Variants in CREB3L2 observed in about 807,000 individuals in gnomAD.
CREB3L2 encodes the protein cAMP responsive element binding protein 3 like 2.
In CREB3L2, 23 loss-of-function variants were observed where a neutral mutation model predicts 57.2. That is an observed-to-expected ratio of 0.40 (90% CI 0.29 to 0.57). The LOEUF is 0.57. CREB3L2 is among the 20% of genes least tolerant of loss of function. The pLI is 0.42. For synonymous variants in CREB3L2, 268 were observed against 265.1 expected, an observed-to-expected ratio of 1.01 and a Z score of -0.11; for missense variants, 628 against 634.7, an observed-to-expected ratio of 0.99 and a Z score of 0.11.
intron 1 of CREB3L2, among the ~76,000 whole-genome samples, chr7:137,990,133 C>T (rs369700286): frequency 6.6e-6 from 1 of 152,218 alleles, no homozygotes; most frequent in South Asian, 2.1e-4. Context: ...GCACACAAAC[C>T]TCTCATGATC....
intron 6 of CREB3L2, among the ~76,000 whole-genome samples, chr7:137,904,878 ATGGACAC>A (rs1799851818): frequency 6.6e-6 from 1 of 151,884 alleles, no homozygotes; most frequent in East Asian, 1.9e-4. Flanking sequence ...AAAGAAAACA[ATGGACAC>A]TGAGTGAAGA....
chr7:137,949,756 G>A (rs1801062905), intron 1 of CREB3L2, among the ~76,000 whole-genome samples: 1 of 152,184 alleles, frequency 6.6e-6, no homozygotes, highest in East Asian at 1.9e-4. Context: ...TGTTTTGGAA[G>A]AATAAAATTA....
At chr7:137,996,219 T>C (rs536521396) in intron 1 of CREB3L2, among the ~76,000 whole-genome samples, 1 of 152,346 alleles carries the variant, frequency 6.6e-6, no homozygotes, top group South Asian at 2.1e-4. Flanking sequence ...ATGTTAAATC[T>C]TACTAACACT....
At position 137,930,442 on chromosome 7, in the gene CREB3L2, TG is replaced by T. The variant is rs1375732542; in HGVS notation, c.103-2077del. Among the ~76,000 whole-genome samples the T allele has an allele frequency of 5.3e-5, 8 of 152,290 alleles. No individual in the cohort carries two copies. In the South Asian group the frequency reaches 8.3e-4, roughly 16 times the overall value. ...GGACACCTAAGTCCCACCACCAAAC[TG>T]AAGTGTCAATGAAGGCGTTATGAAA... On this transcript the variant is annotated intron_variant, in intron 1 of 11. Coordinates refer to ENST00000330387, the MANE Select transcript of CREB3L2 (RefSeq NM_194071.4).
chr7:137,995,304 A>G (rs560869279), intron 1 of CREB3L2, among the ~76,000 whole-genome samples: 4 of 137,692 alleles, frequency 2.9e-5, no homozygotes, highest in African/African-American at 5.4e-5. Context: ...GCCAACAAGG[A>G]GCTCTATTTC....
At chr7:137,975,494 C>A (rs947646677) in intron 1 of CREB3L2, among the ~76,000 whole-genome samples, 1 of 152,132 alleles carries the variant, frequency 6.6e-6, no homozygotes, top group African/African-American at 2.4e-5. Context: ...TCCTTTGTTC[C>A]CCAGCCTCAC....
In CREB3L2 at chr7:137,899,125, G is replaced by GA. The variant is rs1195320197; in HGVS notation, c.1043+2228dup. ...GGAAGGAAGGAAGGAAGGAAGGAAG[G>GA]AAGGAAGGAAGGAAGGAAGGAAGGA... On this transcript the variant is annotated intron_variant, in intron 8 of 11. Coordinates refer to ENST00000330387, the MANE Select transcript of CREB3L2 (RefSeq NM_194071.4). Among the ~76,000 whole-genome samples, 83 of 141,162 alleles carry GA rather than the reference G, an allele frequency of 5.9e-4. No individual in the cohort carries two copies. In the East Asian group the frequency reaches 8.1e-3, roughly 14 times the overall value. The allele number at this position is 141,162 out of a possible 152,430, so 92.6% of individuals were successfully genotyped here.
rs201152640 is a variant in CREB3L2, at chr7:138,001,242, C to CA, written c.102+361dup. Among the ~76,000 whole-genome samples the CA allele has an allele frequency of 0.024, 3,674 of 150,274 alleles. 74 individuals carry two copies. Among genetic ancestry groups the CA allele is most frequent in the Non-Finnish European group, 0.035 (2,373 of 67,496 alleles). On this transcript the variant is annotated intron_variant, in intron 1 of 11. Transcript: ENST00000330387. This position sits in a 1 kb window ranked among gnomAD's most constrained non-coding sequence, Gnocchi z 4.2. The stretch of plus-strand genomic sequence containing the variant: ...AATCTTGTCCAGTTTTTGAAAACCT[C>CA]AAAAAAAAATCAATAGCAAACTAGG...
intron 6 of CREB3L2, among the ~76,000 whole-genome samples, 162 bp downstream of exon 6, chr7:137,905,540 C>T (rs988649821): frequency 1.3e-4 from 20 of 151,738 alleles, no homozygotes; most frequent in African/African-American, 4.8e-4. Context: ...GAGAGGGGCA[C>T]GTGGTGAGGG....
At chr7:137,979,155 G>A (rs59191429) in intron 1 of CREB3L2, among the ~76,000 whole-genome samples, 16,058 of 152,268 alleles carry the variant, frequency 0.11, 1,026 homozygotes, top group East Asian at 0.23. Context: ...AAAGATCTGT[G>A]TTGAAAAACA....
intron 1 of CREB3L2, among the ~76,000 whole-genome samples, chr7:137,951,311 G>A (rs969461184): frequency 2.0e-5 from 3 of 152,180 alleles, no homozygotes; most frequent in Non-Finnish European, 4.4e-5. Context: ...CTTTGTTCAG[G>A]TATGGGTGAT....
rs1452756403 is a variant in CREB3L2 at position 137,905,742 on chromosome 7, T to A, written c.875A>T (p.Glu292Val). The A allele has an allele frequency of 6.2e-7, 1 of 1,614,034 alleles. No homozygotes were observed. Among genetic ancestry groups the A allele is most frequent in the Non-Finnish European group, 8.5e-7 (1 of 1,180,002 alleles). ...PTKLPLSKSE[E>V]KALKKIRRKI... ...CCTCCGAATTTTCTTCAGGGCCTTCTCCTCTGATTTTGACAGGGGCAATTT... is the reference window on the plus strand; with the variant it reads ...CCTCCGAATTTTCTTCAGGGCCTTCACCTCTGATTTTGACAGGGGCAATTT... Residue 292 changes from glutamate to valine, a missense_variant, in exon 6 of 12, where the codon GAG becomes GTG. This residue lies in a region of CREB3L2 where 17 missense variants were observed against 36.6 expected (regional missense o/e 0.46). Coordinates refer to ENST00000330387, the MANE Select transcript of CREB3L2 (RefSeq NM_194071.4).
intron 2 of CREB3L2, among the ~76,000 whole-genome samples, chr7:137,920,920 C>T (rs188428599): frequency 1.5e-4 from 23 of 152,296 alleles, no homozygotes; most frequent in Admixed American, 4.6e-4. Flanking sequence ...CAAATGTAAT[C>T]TATGAAGTGA....
chr7:137,928,292 C>G lies in CREB3L2; in HGVS notation c.177G>C (p.Glu59Asp), dbSNP rs752592165. 9 of 1,614,168 alleles carry G rather than the reference C, an allele frequency of 5.6e-6. No individual in the cohort carries two copies. In the South Asian group the frequency reaches 9.9e-5, roughly 18 times the overall value. ...GQLLNDPFLS[E>D]KSVSMEVEPS... ...GTTCCACCTCCATTGACACACTCTT[C>G]TCTGAGAGGAAAGGATCATTCAGGA... Residue 59 changes from glutamate to aspartate, a missense_variant, in exon 2 of 12, where the codon GAG becomes GAC. Transcript: ENST00000330387.
intron 1 of CREB3L2, among the ~76,000 whole-genome samples, chr7:137,954,857 T>TGCCCAACC (rs1310575584): frequency 6.6e-6 from 1 of 152,186 alleles, no homozygotes; most frequent in African/African-American, 2.4e-5. Context: ...TCGGAACAAC[T>TGCCCAACC]GCCCAACCTA....
chr7:137,902,218 A>T (rs1302582070), intron 7 of CREB3L2, among the ~76,000 whole-genome samples: 2 of 148,778 alleles, frequency 1.3e-5, no homozygotes, highest in Non-Finnish European at 3.0e-5. Flanking sequence ...AAAAAGAGGG[A>T]GCTGAGTGAT....
intron 8 of CREB3L2, among the ~76,000 whole-genome samples, chr7:137,900,294 G>A (rs1489377282): frequency 5.3e-5 from 8 of 152,142 alleles, no homozygotes; most frequent in South Asian, 4.1e-4. Context: ...TAGACTTTCC[G>A]AGTTTCAGTT....
intron 10 of CREB3L2, among the ~76,000 whole-genome samples, chr7:137,882,907 C>T (rs562391913): frequency 2.2e-5 from 3 of 138,940 alleles, no homozygotes; most frequent in South Asian, 4.2e-4. Context: ...AAATATAAAA[C>T]TCCCCCCTTA....
intron 1 of CREB3L2, among the ~76,000 whole-genome samples, chr7:137,947,121 A>T (rs1444851999): frequency 6.8e-6 from 1 of 147,158 alleles, no homozygotes; most frequent in Non-Finnish European, 1.5e-5. Flanking sequence ...TCTTCCCTCC[A>T]CTCTACCCAC....
Sources: gnomAD v4.1 joint callset for allele counts (sites outside exome capture counted in the v4.1 genomes callset) on GRCh38, gnomAD v4.1.1 for gene constraint, gnomAD v4.1.1 regional missense constraint, Gnocchi (gnomAD v3.1) non-coding constraint, MANE v1.5 for transcripts, NCBI Gene and HGNC (gene_info 2026-07-23, HGNC 2026-07-21) for gene names.